PIAS3: variants seen among roughly 807,000 people sequenced by gnomAD.
PIAS3 encodes protein inhibitor of activated STAT 3, also known as E3 SUMO-protein ligase PIAS3.
In PIAS3, 34 loss-of-function variants were observed where a neutral mutation model predicts 67.6. The observed-to-expected ratio is 0.50, with a 90% CI of 0.38 to 0.67. The LOEUF (loss-of-function observed/expected upper bound fraction) is 0.67, where lower values mean the gene tolerates loss of function less well. Ranked by LOEUF, PIAS3 falls within the 30% of genes least tolerant of loss-of-function variation. The pLI is 0.00. For synonymous variants in PIAS3, 341 were observed against 313.8 expected (o/e 1.09, Z -0.92); for missense variants, 693 against 791.6 (o/e 0.88, Z 1.49).
chr1:145,857,041 C>T (rs1553735794), intron 1 of PIAS3, 35 bp from the exon 2 acceptor site: 1 of 1,595,974 alleles, frequency 6.3e-7, no homozygotes, highest in African/African-American at 1.3e-5. Flanking sequence ...GAGCATCCTC[C>T]CTTGCACAGG....
At chr1:145,853,734 TCCC>T (rs1653053858) in intron 8 of PIAS3, 70 bp from the exon 9 acceptor site, 4 of 1,606,704 alleles carry the variant, frequency 2.5e-6, no homozygotes, top group Admixed American at 3.3e-5. Flanking sequence ...CACGCCAGTA[TCCC>T]TAGGAACCCT....
chr1:145,859,069 G>A lies in PIAS3; in HGVS notation c.-79C>T. On this transcript the variant is annotated 5_prime_UTR_variant, in exon 1 of 14. Coordinates refer to ENST00000393045, the MANE Select transcript of PIAS3 (RefSeq NM_006099.3). ...GCGCACAACTCTCCACCCTGGCGCC[G>A]GCCGCAAATGCCGCCTGCTCCGCCC... 7.0e-7 allele frequency: 1 copy of A among 1,423,562 alleles called. No individual in the cohort carries two copies. The highest frequency in any genetic ancestry group is 1.3e-5 in the South Asian group (1 of 77,544). 88.2% of individuals were successfully genotyped at this position (1,423,562 alleles called of 1,614,324 possible). A position where few individuals can be genotyped will look rare whatever the true frequency, so the allele number is the denominator to read the frequency against.
intron 9 of PIAS3, among the ~76,000 whole-genome samples, chr1:145,851,772 G>A (rs587606257): frequency 2.0e-5 from 3 of 151,276 alleles, no homozygotes; most frequent in African/African-American, 7.3e-5. Flanking sequence ...TGGCCAACAT[G>A]GTGAAACCCC....
At chr1:145,853,984 G>C in intron 7 of PIAS3, 98 bp from the exon 8 acceptor site, 1 of 991,794 alleles carries the variant, frequency 1.0e-6, no homozygotes, top group Non-Finnish European at 1.6e-6. Flanking sequence ...CTGAGAGGCT[G>C]CTGGGTGGAG....
At chr1:145,857,182 A>C in intron 1 of PIAS3, 176 bp from the exon 2 acceptor site, 3 of 621,822 alleles carry the variant, frequency 4.8e-6, no homozygotes, top group Non-Finnish European at 8.6e-6. Flanking sequence ...GGGACATCTC[A>C]GTCCCACTTT....
chr1:145,850,593 G>A lies in PIAS3; in HGVS notation c.1449-7C>T. Reference sequence around the variant, plus strand: ...GTGGCCAGATGTCAGGACTCTGTGGGTAGAGAGGAGCTGAGGCAGCCAGCA... The same window carrying A: ...GTGGCCAGATGTCAGGACTCTGTGGATAGAGAGGAGCTGAGGCAGCCAGCA... On this transcript the variant is annotated splice_region_variant and splice_polypyrimidine_tract_variant and intron_variant, in intron 11 of 13. Transcript: ENST00000393045. The A allele has an allele frequency of 4.3e-6, 7 of 1,612,786 alleles. No individual in the cohort carries two copies. The highest frequency in any genetic ancestry group is 5.9e-6 in the Non-Finnish European group (7 of 1,178,934).
Position 145,851,069 on chromosome 1 carries a change from G to A in PIAS3, c.1230C>T (p.Pro410=). 6.2e-7 allele frequency: 1 copy of A among 1,614,138 alleles called. No homozygotes were observed. Among genetic ancestry groups the A allele is most frequent in the Non-Finnish European group, 8.5e-7 (1 of 1,180,026 alleles). The change falls in exon 10 of 14, where the codon CCC becomes CCT. Residue 410 remains proline (P), a synonymous_variant. Coordinates refer to ENST00000393045, the MANE Select transcript of PIAS3 (RefSeq NM_006099.3). ...MEDGSWCPMK[P]KKEASEVCPP... is the part of the protein sequence containing the mutation. ...GGCAAACCTCAGATGCCTCCTTCTT[G>A]GGTTTCATTGGGCACCAGGATCCAT...
rs372065425 is a variant in PIAS3 at position 145,851,082 on chromosome 1, C to T, written c.1217G>A (p.Cys406Tyr). The T allele has an allele frequency of 2.5e-6, 4 of 1,614,016 alleles. No homozygotes were observed. The African/African-American group carries it at 5.3e-5, about 22-fold the overall frequency. Residue 406 changes from cysteine to tyrosine, a missense_variant, in exon 10 of 14, where the codon TGC becomes TAC. This residue lies in a region of PIAS3 where 115 missense variants were observed against 181.8 expected (regional missense o/e 0.63). Coordinates refer to ENST00000393045, the MANE Select transcript of PIAS3 (RefSeq NM_006099.3). ...TGCCTCCTTCTTGGGTTTCATTGGG[C>T]ACCAGGATCCATCTTCCATGAATTG... ...EIQFMEDGSW[C>Y]PMKPKKEASE...
intron 13 of PIAS3, chr1:145,849,947 T>C: frequency 1.4e-5 from 20 of 1,422,916 alleles, no homozygotes; most frequent in Middle Eastern, 2.6e-4. Flanking sequence ...GCGTCTGAAA[T>C]GTGTGGAATG....
intron 12 of PIAS3, 38 bp downstream of exon 12, chr1:145,850,415 G>A: frequency 2.5e-6 from 4 of 1,612,688 alleles, no homozygotes; most frequent in Non-Finnish European, 3.4e-6. Flanking sequence ...TGGGGAGGGT[G>A]TGGCAGTGCA....
chr1:145,849,246 G>GT lies in PIAS3; in HGVS notation c.*199dup, dbSNP rs141087295. ...AGAACATTTCCAGAAACAGACCCCA[G>GT]TGTCCTTAAAAAGAGGTTAAATATT... On this transcript the variant is annotated 3_prime_UTR_variant, in exon 14 of 14. Transcript: ENST00000393045. 1 of 428,538 alleles carries GT rather than the reference G, an allele frequency of 2.3e-6. No homozygotes were observed. Among genetic ancestry groups the GT allele is most frequent in the African/African-American group, 2.0e-5 (1 of 49,420 alleles). 26.5% of individuals were successfully genotyped at this position (428,538 alleles called of 1,614,324 possible). A position where few individuals can be genotyped will look rare whatever the true frequency, so the allele number is the denominator to read the frequency against.
rs782551556 is a variant in PIAS3, at chr1:145,859,013, A to G, written c.-23T>C. 24 of 1,541,882 alleles carry G rather than the reference A, an allele frequency of 1.6e-5. No homozygotes were observed. Among genetic ancestry groups the G allele is most frequent in the Non-Finnish European group, 1.9e-5 (22 of 1,145,070 alleles). ...CATCTTGAGACATCGCAGGCGCCCCAGCCGGAGCCGGAGCTCAGGCCCAGG... is the reference window on the plus strand; with the variant it reads ...CATCTTGAGACATCGCAGGCGCCCCGGCCGGAGCCGGAGCTCAGGCCCAGG... On this transcript the variant is annotated 5_prime_UTR_variant, in exon 1 of 14. Transcript: ENST00000393045.
At chr1:145,853,406 T>G in intron 9 of PIAS3, 98 bp downstream of exon 9, 1 of 955,796 alleles carries the variant, frequency 1.0e-6, no homozygotes, top group South Asian at 1.8e-5. Context: ...TAAGATTCCA[T>G]CTCAAAAAAA....
intron 4 of PIAS3, 71 bp from the exon 5 acceptor site, chr1:145,855,897 G>C: frequency 8.7e-7 from 1 of 1,154,654 alleles, no homozygotes; most frequent in Non-Finnish European, 1.3e-6. Context: ...GAGAGACAGG[G>C]AACCCCAGAA....
chr1:145,848,736 A>T lies in PIAS3; in HGVS notation c.*710T>A, dbSNP rs1553733379. ...AGAAGCTTAGGGGGGAATAAGAAAC[A>T]CTGTGAACTTAGATATATAAATAGA... On this transcript the variant is annotated 3_prime_UTR_variant, in exon 14 of 14. Transcript: ENST00000393045. The T allele has an allele frequency of 2.4e-6, 1 of 415,250 alleles. No individual in the cohort carries two copies. The highest frequency in any genetic ancestry group is 4.1e-5 in the Admixed American group (1 of 24,106). 25.7% of individuals were successfully genotyped at this position (415,250 alleles called of 1,614,324 possible).
In PIAS3 at chr1:145,850,870, A is replaced by G. The variant is rs1553734152; in HGVS notation, c.1349T>C (p.Leu450Ser). 6.2e-7 allele frequency: 1 copy of G among 1,614,114 alleles called. No individual in the cohort carries two copies. Among genetic ancestry groups the G allele is most frequent in the South Asian group, 1.1e-5 (1 of 91,072 alleles). ...ENKKKVEVID[L>S]TIESSSDEED... ...CTCATCTGATGAGCTTTCTATTGTC[A>G]AGTCAATAACTTCGACCTTCTTCTT... Residue 450 changes from leucine (L) to serine (S), a missense_variant, in exon 11 of 14, where the codon TTG becomes TCG. Leu to Ser is a moderately radical substitution (Grantham distance 145). Transcript: ENST00000393045.
At position 145,853,564 on chromosome 1, in the gene PIAS3, G is replaced by C; in HGVS notation, c.1085C>G (p.Pro362Arg). The C allele has an allele frequency of 6.2e-7, 1 of 1,614,108 alleles. No homozygotes were observed. The highest frequency in any genetic ancestry group is 8.5e-7 in the Non-Finnish European group (1 of 1,179,996). The change falls in exon 9 of 14, where the codon CCT becomes CGT. Residue 362 changes from proline (P) to arginine (R), a missense_variant. Pro to Arg is a moderately radical substitution (Grantham distance 103). Around this residue, in one of 3 missense-constraint regions of PIAS3, gnomAD observed 115 missense variants for 181.8 expected, o/e 0.63. Transcript: ENST00000393045. ...GTCACACACAGGACATGTCCATGTAGGCTTCTTCTCATTCATCTGTAGATA... is the reference window on the plus strand; with the variant it reads ...GTCACACACAGGACATGTCCATGTACGCTTCTTCTCATTCATCTGTAGATA... ...ALYLQMNEKK[P>R]TWTCPVCDKK...
At chr1:145,857,828 T>A (rs1653253777) in intron 1 of PIAS3, among the ~76,000 whole-genome samples, 1 of 152,066 alleles carries the variant, frequency 6.6e-6, no homozygotes, top group Non-Finnish European at 1.5e-5. Flanking sequence ...TTAATACTCC[T>A]CTACAACTTA....
At position 145,854,690 on chromosome 1, in the gene PIAS3, T is replaced by C. The variant is rs782644100; in HGVS notation, c.804+56A>G. 4.3e-6 allele frequency: 7 copies of C among 1,612,814 alleles called. No homozygotes were observed. The African/African-American group carries it at 9.3e-5, about 22-fold the overall frequency. ...TGCTTCCCCAACCCAGGACACTGGA[T>C]GGTTCCCCTTCACCCTCAGCAGGCT... On this transcript the variant is annotated intron_variant, in intron 6 of 13. Transcript: ENST00000393045.
Sources: gnomAD v4.1 joint callset for allele counts (sites outside exome capture counted in the v4.1 genomes callset) on GRCh38, gnomAD v4.1.1 for gene constraint, gnomAD v4.1.1 regional missense constraint, MANE v1.5 for transcripts, NCBI Gene and HGNC (gene_info 2026-07-23, HGNC 2026-07-21) for gene names.